Variants in PUS7 observed in about 807,000 individuals in gnomAD.
The protein encoded by PUS7 is pseudouridine synthase 7, also known as pseudouridylate synthase 7 homolog.
In PUS7, 48 loss-of-function variants were observed where a neutral mutation model predicts 79.8. That is an observed-to-expected ratio of 0.60 (90% CI 0.48 to 0.76). The LOEUF (loss-of-function observed/expected upper bound fraction) is 0.76. PUS7 is among the 30% of genes least tolerant of loss of function. The pLI is 0.00. For synonymous variants in PUS7, 286 were observed against 272.2 expected (o/e 1.05, Z -0.50); for missense variants, 729 against 797.6 (o/e 0.91, Z 1.04).
At chr7:105,507,505 C>G (rs1825519336) in intron 2 of PUS7, among the ~76,000 whole-genome samples, 1 of 152,048 alleles carries the variant, frequency 6.6e-6, no homozygotes, top group Non-Finnish European at 1.5e-5. Context: ...ATAAAACAAA[C>G]TCAGGAGAAA....
intron 15 of PUS7, among the ~76,000 whole-genome samples, chr7:105,458,314 G>A (rs1323329593): frequency 6.6e-6 from 1 of 152,042 alleles, no homozygotes; most frequent in Admixed American, 6.6e-5. Context: ...AGACTGGAGT[G>A]CAGTGGTGTA....
At chr7:105,465,552 G>A (rs750395698) in intron 12 of PUS7, 138 bp from the exon 13 acceptor site, 105 of 660,882 alleles carry the variant, frequency 1.6e-4, no homozygotes, top group Admixed American at 2.4e-4. Flanking sequence ...CTTAAATTAT[G>A]CCAGGTGCGG....
At chr7:105,511,533 G>C (rs1038101237) in intron 1 of PUS7, among the ~76,000 whole-genome samples, 7 of 151,684 alleles carry the variant, frequency 4.6e-5, no homozygotes, top group African/African-American at 1.7e-4. Context: ...AGGCTGAGGT[G>C]GGTGGATCAC....
intron 1 of PUS7, among the ~76,000 whole-genome samples, chr7:105,514,299 G>T (rs711435): frequency 0.12 from 17,290 of 147,778 alleles, 1,166 homozygotes; most frequent in African/African-American, 0.23. Context: ...ATGTCTGGAG[G>T]AGTTTAAAAA....
chr7:105,522,229 G>A lies in PUS7; in HGVS notation c.-210C>T, dbSNP rs936928829. 2 of 151,766 alleles carry A rather than the reference G, an allele frequency of 1.3e-5. No individual in the cohort carries two copies. The highest frequency in any genetic ancestry group is 2.9e-5 in the Non-Finnish European group (2 of 67,910). The allele number at this position is 151,766 out of a possible 1,614,324, so 9.4% of individuals were successfully genotyped here. On this transcript the variant is annotated 5_prime_UTR_variant, in exon 1 of 16. Transcript: ENST00000469408. Reference sequence around the variant, plus strand: ...CGCTCCAGCCGACTCACCGGCGGCCGGGCTCGCACACGTGCGGCGCAGCGA... The same window carrying A: ...CGCTCCAGCCGACTCACCGGCGGCCAGGCTCGCACACGTGCGGCGCAGCGA...
At chr7:105,467,067 A>G (rs1194701530) in intron 12 of PUS7, among the ~76,000 whole-genome samples, 2 of 108,438 alleles carry the variant, frequency 1.8e-5, no homozygotes, top group Non-Finnish European at 3.5e-5. Flanking sequence ...TTTTTTAACT[A>G]GCTGTGGAAC....
In PUS7 at chr7:105,505,986, A is replaced by G. The variant is rs756057199; in HGVS notation, c.554T>C (p.Phe185Ser). ...GGCAACACTGGTTTCCTTATTTTTG[A>G]ACAGCTGGAGCTCTTCCAATCGCTG... ...EKQRLEELQL[F>S]KNKETSVAIE... The change falls in exon 4 of 16, where the codon TTC becomes TCC. Residue 185 changes from phenylalanine (F) to serine (S), a missense_variant. Transcript: ENST00000469408. 2.2e-5 allele frequency: 35 copies of G among 1,612,876 alleles called. No individual in the cohort carries two copies. Among genetic ancestry groups the G allele is most frequent in the Non-Finnish European group, 2.8e-5 (33 of 1,179,652 alleles).
At chr7:105,497,077 C>T in intron 5 of PUS7, 2 of 820,826 alleles carry the variant, frequency 2.4e-6, no homozygotes, top group East Asian at 9.5e-5. Context: ...TAAGTTTACA[C>T]TGAGGACTTC....
intron 1 of PUS7, among the ~76,000 whole-genome samples, chr7:105,518,134 G>C (rs1392784405): frequency 6.6e-6 from 1 of 150,696 alleles, no homozygotes; most frequent in Non-Finnish European, 1.5e-5. Context: ...GGTGACAGAG[G>C]GAGACTCTGT....
chr7:105,511,011 A>G (rs550826876), intron 1 of PUS7, among the ~76,000 whole-genome samples: 36 of 152,012 alleles, frequency 2.4e-4, no homozygotes, highest in Non-Finnish European at 4.1e-4. Context: ...GCAAAATAAT[A>G]ATGATGATTA....
intron 6 of PUS7, among the ~76,000 whole-genome samples, chr7:105,492,606 CG>C (rs2133181240): frequency 6.8e-6 from 1 of 147,192 alleles, no homozygotes; most frequent in African/African-American, 2.5e-5. Context: ...CCCGGGTTCA[CG>C]CCATTCTCCT....
At chr7:105,520,242 G>T (rs1440538357) in intron 1 of PUS7, among the ~76,000 whole-genome samples, 2 of 152,104 alleles carry the variant, frequency 1.3e-5, no homozygotes, top group Non-Finnish European at 2.9e-5. Context: ...GGCAGATCAT[G>T]AGGTCAGGAA....
chr7:105,490,639 A>G (rs1824743811), intron 7 of PUS7, among the ~76,000 whole-genome samples: 1 of 152,104 alleles, frequency 6.6e-6, no homozygotes, highest in Non-Finnish European at 1.5e-5. Flanking sequence ...TAACTCCTAG[A>G]TCCTTATTTC....
chr7:105,480,316 T>A (rs1164153631), intron 9 of PUS7, among the ~76,000 whole-genome samples: 1 of 150,546 alleles, frequency 6.6e-6, no homozygotes, highest in African/African-American at 2.5e-5. Context: ...CTACTAAAAA[T>A]ACAACAAAGT....
At position 105,482,636 on chromosome 7, in the gene PUS7, C is replaced by T. The variant is rs934330413; in HGVS notation, c.921-196G>A. On this transcript the variant is annotated intron_variant, in intron 7 of 15. Transcript: ENST00000469408. ...GCATTCTTCCTTCAGTGTAATGGTA[C>T]GTGCTCCTGTTCAAATTGCATACTC... Among the ~76,000 whole-genome samples, 92 of 152,146 alleles carry T rather than the reference C, an allele frequency of 6.0e-4. No homozygotes were observed. The Middle Eastern group carries it at 0.01, about 17-fold the overall frequency.
intron 5 of PUS7, among the ~76,000 whole-genome samples, chr7:105,496,076 C>T (rs971306315): frequency 1.3e-5 from 2 of 151,368 alleles, no homozygotes; most frequent in African/African-American, 4.9e-5. Flanking sequence ...AAGAGAATTG[C>T]TTGAACCCAG....
intron 9 of PUS7, among the ~76,000 whole-genome samples, chr7:105,475,590 G>A (rs1824074280): frequency 6.6e-6 from 1 of 152,128 alleles, no homozygotes; most frequent in Non-Finnish European, 1.5e-5. Context: ...CCAAAGTGCT[G>A]GCATTACAGG....
intron 5 of PUS7, among the ~76,000 whole-genome samples, chr7:105,500,039 CA>C (rs770220628): frequency 1.3e-5 from 2 of 152,070 alleles, no homozygotes; most frequent in Non-Finnish European, 1.5e-5. Flanking sequence ...CCATCTGTGC[CA>C]GGGGTGGCCT....
intron 5 of PUS7, among the ~76,000 whole-genome samples, chr7:105,496,075 G>A (rs1024220759): frequency 6.6e-6 from 1 of 151,402 alleles, no homozygotes; most frequent in Non-Finnish European, 1.5e-5. Context: ...CAAGAGAATT[G>A]CTTGAACCCA....
Sources: gnomAD v4.1 joint callset for allele counts (sites outside exome capture counted in the v4.1 genomes callset) on GRCh38, gnomAD v4.1.1 for gene constraint, MANE v1.5 for transcripts, NCBI Gene and HGNC (gene_info 2026-07-23, HGNC 2026-07-21) for gene names.